Variants in ADCY9 observed in about 807,000 individuals in gnomAD.
ADCY9 encodes the protein adenylate cyclase type 9.
Under a neutral mutation model 101.5 loss-of-function variants are expected in ADCY9, and 50 were observed. The ratio of observed to expected loss-of-function variants is 0.49; its 90% confidence interval spans 0.39 to 0.62. ADCY9 has a LOEUF of 0.62. Among genes scored for constraint, ADCY9 ranks in the 20% least tolerant of loss-of-function variants. The pLI is 0.00. For synonymous variants in ADCY9, 905 were observed against 769.3 expected (o/e 1.18, Z -2.92); for missense variants, 1,662 against 1,800.4 (o/e 0.92, Z 1.39).
intron 2 of ADCY9, among the ~76,000 whole-genome samples, chr16:4,098,071 G>C (rs1393999984): frequency 2.0e-5 from 3 of 152,088 alleles, no homozygotes; most frequent in Admixed American, 2.0e-4. Context: ...GCTCCAGGAG[G>C]CACTGTTGAA....
intron 2 of ADCY9, among the ~76,000 whole-genome samples, chr16:4,060,162 A>G (rs1323399544): frequency 6.6e-6 from 1 of 152,206 alleles, no homozygotes; most frequent in African/African-American, 2.4e-5. Flanking sequence ...ACAGAAGGTC[A>G]ACATCTCAGC....
downstream of ADCY9, among the ~76,000 whole-genome samples, chr16:3,960,892 T>C (rs145510790): frequency 1.5e-3 from 221 of 152,352 alleles, no homozygotes; most frequent in Middle Eastern, 0.02. Context: ...ACATGTCCAT[T>C]GCGTGCAAGT....
At chr16:4,055,752 T>C (rs2056733694) in intron 2 of ADCY9, among the ~76,000 whole-genome samples, 1 of 151,776 alleles carries the variant, frequency 6.6e-6, no homozygotes, top group African/African-American at 2.4e-5. Flanking sequence ...GAGAACGGCA[T>C]GAACCCAGAA....
At chr16:3,997,969 C>T (rs2056300438) in intron 3 of ADCY9, among the ~76,000 whole-genome samples, 1 of 152,022 alleles carries the variant, frequency 6.6e-6, no homozygotes, top group African/African-American at 2.4e-5. Flanking sequence ...TGGCACACAC[C>T]TGTAATCCCA....
downstream of ADCY9, among the ~76,000 whole-genome samples, chr16:3,958,058 TG>T (rs893477032): frequency 2.4e-3 from 360 of 152,060 alleles, 1 homozygote; most frequent in African/African-American, 8.3e-3. Flanking sequence ...GTGCCAGGGC[TG>T]GGGGGGATTG....
In ADCY9 at chr16:4,115,452, TCCCGGGGCCTGC is replaced by T. The variant is rs769393646; in HGVS notation, c.-22_-11del. On this transcript the variant is annotated 5_prime_UTR_variant, in exon 2 of 11. Coordinates refer to ENST00000294016, the MANE Select transcript of ADCY9 (RefSeq NM_001116.4). This position sits in a 1 kb window ranked among gnomAD's most constrained non-coding sequence, Gnocchi z 6.2. ...GGGGTGGGGAAGCCATGTTGTCGAGTCCCGGGGCCTGCCCCGGCCGGGGTCACCAGTACCTGC... is the reference window on the plus strand; with the variant it reads ...GGGGTGGGGAAGCCATGTTGTCGAGTCCCGGCCGGGGTCACCAGTACCTGC... The T allele has an allele frequency of 6.6e-7, 1 of 1,526,432 alleles. No individual in the cohort carries two copies. 94.6% of individuals were successfully genotyped at this position (1,526,432 alleles called of 1,614,324 possible).
chr16:4,114,734 C>T lies in ADCY9; in HGVS notation c.709G>A (p.Val237Ile), dbSNP rs766756605. The T allele has an allele frequency of 6.2e-7, 1 of 1,613,130 alleles. No homozygotes were observed. Among genetic ancestry groups the T allele is most frequent in the East Asian group, 2.2e-5 (1 of 44,896 alleles). The change falls in exon 2 of 11, where the codon GTC becomes ATC. Residue 237 changes from valine to isoleucine, a missense_variant. Transcript: ENST00000294016. The surrounding 1 kb of genome is among the most constrained non-coding windows in gnomAD (Gnocchi z 4.3). ...CIEVLFLLYT[V>I]MHLPLYLSLC... ...CTCAGGTACAAAGGTAAGTGCATGA[C>T]GGTATAGAGCAAAAAGAGCACTTCG...
At chr16:3,971,661 G>A (rs2056053147) in intron 10 of ADCY9, among the ~76,000 whole-genome samples, 2 of 152,188 alleles carry the variant, frequency 1.3e-5, no homozygotes, top group African/African-American at 4.8e-5. Flanking sequence ...ATGGACTGGG[G>A]GAAGGTTTTG....
rs1407578773 is a variant in ADCY9, at chr16:4,015,974, ATAAAAG to A, written c.1694-8422_1694-8417del. Among the ~76,000 whole-genome samples, 558 of 150,224 alleles carry A rather than the reference ATAAAAG, an allele frequency of 3.7e-3. 9 individuals are homozygous for A. Among genetic ancestry groups the A allele is most frequent in the African/African-American group, 0.012 (500 of 41,196 alleles). ...CAGAATGAGACCCTGTCTCAAAAAA[ATAAAAG>A]AAAAAGAAAACGAAAATGCTGTGAT... is the stretch of plus-strand genomic sequence containing the variant. On this transcript the variant is annotated intron_variant, in intron 2 of 10. Coordinates refer to ENST00000294016, the MANE Select transcript of ADCY9 (RefSeq NM_001116.4).
intron 2 of ADCY9, among the ~76,000 whole-genome samples, chr16:4,043,341 A>G (rs1484243042): frequency 1.3e-5 from 2 of 151,974 alleles, no homozygotes; most frequent in Non-Finnish European, 2.9e-5. Flanking sequence ...GGAATACACC[A>G]CTGGAGCAAA....
chr16:4,051,237 A>G (rs2056699320), intron 2 of ADCY9, among the ~76,000 whole-genome samples: 1 of 151,668 alleles, frequency 6.6e-6, no homozygotes, highest in Admixed American at 6.6e-5. Flanking sequence ...CAAAAACGAA[A>G]AAACCTGGCC....
At chr16:3,993,079 GTCTATA>G (rs1001137496) in intron 4 of ADCY9, among the ~76,000 whole-genome samples, 3 of 152,010 alleles carry the variant, frequency 2.0e-5, no homozygotes, top group African/African-American at 7.3e-5. Flanking sequence ...GTCTCTGCCC[GTCTATA>G]TTCTCTCATA....
intron 5 of ADCY9, among the ~76,000 whole-genome samples, chr16:3,990,166 A>G (rs2056232514): frequency 6.6e-6 from 1 of 152,162 alleles, no homozygotes; most frequent in African/African-American, 2.4e-5. Context: ...AGTGACTATC[A>G]GAAGTAAATT....
chr16:4,042,080 C>T (rs191072674), intron 2 of ADCY9, among the ~76,000 whole-genome samples: 4,984 of 152,052 alleles, frequency 0.033, 285 homozygotes, highest in African/African-American at 0.11. Flanking sequence ...TCCGCCACCA[C>T]TCCTGGCTAA....
chr16:4,034,069 G>A (rs1220348626), intron 2 of ADCY9, among the ~76,000 whole-genome samples: 1 of 152,170 alleles, frequency 6.6e-6, no homozygotes, highest in African/African-American at 2.4e-5. Context: ...GTACAGGCCT[G>A]ATGGCTGCCG....
In ADCY9 at chr16:3,966,470, C is replaced by T. The variant is rs771725261; in HGVS notation, c.3367G>A (p.Ala1123Thr). The change falls in exon 11 of 11, where the codon GCG (alanine) becomes ACG (threonine). Residue 1123 changes from alanine to threonine, a missense_variant. Ala to Thr is a moderately conservative substitution (Grantham distance 58). Coordinates refer to ENST00000294016, the MANE Select transcript of ADCY9 (RefSeq NM_001116.4). ...GGGTGGCTGCCGTCCTGGGCCTGCG[C>T]GGTGTTCAGCCCTGACGCCGCCATG... is the stretch of plus-strand genomic sequence containing the variant. ...TYMAASGLNTAQAQDGSHPQE... is the reference protein window; with the variant it reads ...TYMAASGLNTTQAQDGSHPQE... 39 of 1,613,980 alleles carry T rather than the reference C, an allele frequency of 2.4e-5. 1 individual carries two copies. In the South Asian group the frequency reaches 3.2e-4, roughly 13 times the overall value.
chr16:4,001,754 TG>T (rs34024991), intron 3 of ADCY9, among the ~76,000 whole-genome samples: 9,432 of 119,716 alleles, frequency 0.079, 318 homozygotes, highest in Non-Finnish European at 0.11. Flanking sequence ...TTTTTTTTAT[TG>T]TTTTTTTTTT....
intron 2 of ADCY9, among the ~76,000 whole-genome samples, 168 bp from the exon 3 acceptor site, chr16:4,007,726 G>T (rs1193444834): frequency 6.6e-6 from 1 of 152,086 alleles, no homozygotes; most frequent in Non-Finnish European, 1.5e-5. Flanking sequence ...CCAGAGAGAT[G>T]CGGCCTCAGG....
chr16:4,018,797 T>C (rs2531964), intron 2 of ADCY9, among the ~76,000 whole-genome samples: 144,211 of 152,210 alleles, frequency 0.95, 68,758 homozygotes, highest in East Asian at 1. Context: ...TGCAGACTTG[T>C]TCGAGTCATC....
Sources: gnomAD v4.1 joint callset for allele counts (sites outside exome capture counted in the v4.1 genomes callset) on GRCh38, gnomAD v4.1.1 for gene constraint, Gnocchi (gnomAD v3.1) non-coding constraint, MANE v1.5 for transcripts, NCBI Gene and HGNC (gene_info 2026-07-23, HGNC 2026-07-21) for gene names.